Variants in DAB1 observed in about 807,000 individuals in gnomAD.
DAB1 encodes DAB adaptor protein 1, also known as disabled homolog 1.
DAB1 carries 15 observed loss-of-function variants against 64.6 expected under a neutral mutation model. That is an observed-to-expected ratio of 0.23 (90% CI 0.16 to 0.36). The LOEUF (loss-of-function observed/expected upper bound fraction) is 0.36. Ranked by LOEUF, DAB1 falls within the 10% of genes least tolerant of loss-of-function variation. The probability of loss-of-function intolerance (pLI) is 1.00; values close to 1 mark genes in which losing one functional copy is unlikely to be tolerated. For synonymous variants in DAB1, 235 were observed against 251.9 expected (o/e 0.93, Z 0.64); for missense variants, 596 against 706.7 (o/e 0.84, Z 1.78).
chr1:57,552,196 C>T (rs1288271927), intron 7 of DAB1, among the ~76,000 whole-genome samples: 2 of 152,174 alleles, frequency 1.3e-5, no homozygotes, highest in Non-Finnish European at 2.9e-5. Context: ...CTTCTTCAGA[C>T]CCTACTGAAG....
intron 6 of DAB1, among the ~76,000 whole-genome samples, chr1:57,695,384 G>A (rs1341929673): frequency 2.7e-5 from 2 of 75,178 alleles, no homozygotes; most frequent in Admixed American, 1.4e-4. Flanking sequence ...AAGAAAGAAA[G>A]AAAGAAAGAA....
At chr1:57,208,985 G>A (rs1443220845) in intron 2 of DAB1, among the ~76,000 whole-genome samples, 1 of 152,224 alleles carries the variant, frequency 6.6e-6, no homozygotes, top group Admixed American at 6.5e-5. Context: ...AGGTGTTGCT[G>A]GAGACACACA....
At chr1:58,203,132 C>A (rs1296978866) in intron 4 of DAB1, among the ~76,000 whole-genome samples, 1 of 152,170 alleles carries the variant, frequency 6.6e-6, no homozygotes, top group African/African-American at 2.4e-5. Flanking sequence ...GGGAAGAGGG[C>A]AGCATCACTT....
At chr1:57,049,645 C>T (rs1170699152) in intron 9 of DAB1, among the ~76,000 whole-genome samples, 1 of 151,908 alleles carries the variant, frequency 6.6e-6, no homozygotes, top group East Asian at 1.9e-4. Flanking sequence ...AAACTCATCT[C>T]GCTTTTTCAT....
intron 7 of DAB1, among the ~76,000 whole-genome samples, chr1:57,565,291 A>T (rs1645104200): frequency 6.6e-6 from 1 of 152,226 alleles, no homozygotes; most frequent in Admixed American, 6.5e-5. Context: ...CATGGAAAGG[A>T]ACAACAGGTA....
At chr1:57,713,412 C>A (rs942256174) in intron 6 of DAB1, among the ~76,000 whole-genome samples, 2 of 152,106 alleles carry the variant, frequency 1.3e-5, no homozygotes, top group African/African-American at 4.8e-5. Flanking sequence ...GATTTGGCAA[C>A]AAAATACAGT....
At chr1:57,643,936 A>G (rs1213559366) in intron 7 of DAB1, among the ~76,000 whole-genome samples, 1 of 152,162 alleles carries the variant, frequency 6.6e-6, no homozygotes, top group African/African-American at 2.4e-5. Context: ...CAACTGAGAA[A>G]ACTGAGGCCC....
chr1:57,131,239 T>TG (rs1170331009), intron 4 of DAB1, among the ~76,000 whole-genome samples: 2 of 152,206 alleles, frequency 1.3e-5, no homozygotes, highest in African/African-American at 4.8e-5. Context: ...GAGTGCAGCC[T>TG]GGGGGTCAAA....
At chr1:57,192,459 C>T (rs1204310403) in intron 2 of DAB1, among the ~76,000 whole-genome samples, 3 of 152,134 alleles carry the variant, frequency 2.0e-5, no homozygotes, top group African/African-American at 4.8e-5. Context: ...GTTACTCATC[C>T]ATGAAAGTGG....
intron 1 of DAB1, among the ~76,000 whole-genome samples, chr1:57,330,790 C>A (rs1292930290): frequency 6.6e-6 from 1 of 152,088 alleles, no homozygotes; most frequent in Non-Finnish European, 1.5e-5. Context: ...ACACTATGGT[C>A]CAGACTGTTG....
intron 4 of DAB1, among the ~76,000 whole-genome samples, chr1:58,257,189 C>T (rs1660951473): frequency 6.6e-6 from 1 of 152,178 alleles, no homozygotes; most frequent in Non-Finnish European, 1.5e-5. Flanking sequence ...ATCATCTGTC[C>T]TGACAATTCA....
At chr1:57,298,528 A>T (rs1390305426) in intron 1 of DAB1, among the ~76,000 whole-genome samples, 4 of 152,204 alleles carry the variant, frequency 2.6e-5, no homozygotes, top group Non-Finnish European at 4.4e-5. Context: ...CTCTCTTGCC[A>T]TAACTGTAAC....
intron 5 of DAB1, among the ~76,000 whole-genome samples, chr1:57,946,917 GAA>G (rs1234338852): frequency 2.0e-5 from 3 of 152,190 alleles, no homozygotes; most frequent in African/African-American, 7.2e-5. Context: ...TACATGCAGA[GAA>G]AACAAAACAA....
intron 2 of DAB1, among the ~76,000 whole-genome samples, chr1:57,249,060 C>T (rs1229640762): frequency 6.6e-6 from 1 of 152,214 alleles, no homozygotes; most frequent in African/African-American, 2.4e-5. Context: ...TCACACAGTG[C>T]TTCAGGCTTG....
chr1:57,612,257 ACTGT>A (rs1645737164), intron 7 of DAB1, among the ~76,000 whole-genome samples: 1 of 150,876 alleles, frequency 6.6e-6, no homozygotes, highest in African/African-American at 2.5e-5. Flanking sequence ...TTAGTTGTTC[ACTGT>A]CTGTCCCTGT....
chr1:58,321,826 G>T (rs1189647583), intron 4 of DAB1, among the ~76,000 whole-genome samples: 7 of 152,254 alleles, frequency 4.6e-5, no homozygotes, highest in Middle Eastern at 3.2e-3. Context: ...CCCCACCCCT[G>T]GGGGCAGGGC....
intron 12 of DAB1, among the ~76,000 whole-genome samples, chr1:57,013,288 T>C (rs186224824): frequency 6.6e-6 from 1 of 152,304 alleles, no homozygotes; most frequent in East Asian, 1.9e-4. Flanking sequence ...TTATGAGAAG[T>C]GTAGGAATGA....
chr1:58,524,369 T>C lies in DAB1; in HGVS notation n.107+2892A>G, dbSNP rs77375040. On this transcript the variant is annotated intron_variant and non_coding_transcript_variant, in intron 2 of 20. Coordinates refer to the DAB1 transcript ENST00000485760. ...TTTTTAAGCCAAATCTCTAAAACTATCAAACCATCCTTCGCTGGCATTAAA... is the reference window on the plus strand; with the variant it reads ...TTTTTAAGCCAAATCTCTAAAACTACCAAACCATCCTTCGCTGGCATTAAA... Among the ~76,000 whole-genome samples, 199 of 152,328 alleles carry C rather than the reference T, an allele frequency of 1.3e-3. 1 individual carries two copies. In the East Asian group the frequency reaches 0.034, roughly 26 times the overall value.
rs368161363 is a variant in DAB1 at position 57,347,785 on chromosome 1, AT to A, written c.-136-56620del. ...ATTTGGTTTTAGGCTGTATTTCAAG[AT>A]TTTTTTTTTAAGCGGCAGATTTGTC... On this transcript the variant is annotated intron_variant, in intron 1 of 14. Transcript: ENST00000371236. Among the ~76,000 whole-genome samples, 223 of 150,442 alleles carry A rather than the reference AT, an allele frequency of 1.5e-3. 2 individuals carry two copies. Among genetic ancestry groups the A allele is most frequent in the African/African-American group, 4.7e-3 (195 of 41,164 alleles).
Sources: allele counts gnomAD v4.1 joint callset (sites outside exome capture counted in the v4.1 genomes callset), GRCh38; gene constraint gnomAD v4.1.1; transcripts MANE v1.5; gene names NCBI Gene and HGNC (gene_info 2026-07-23, HGNC 2026-07-21).